The following NBAS variants were observed in gnomAD, a reference collection of about 807,000 sequenced individuals.
NBAS encodes NAG/BC035112 fusion.
In NBAS, 219 loss-of-function variants were observed where a neutral mutation model predicts 302.5. That is an observed-to-expected ratio of 0.72 (90% CI 0.65 to 0.81). The LOEUF (loss-of-function observed/expected upper bound fraction) is 0.81, where lower values mean the gene tolerates loss of function less well. Among genes scored for constraint, NBAS ranks in the 30% least tolerant of loss-of-function variants. The pLI, the probability that NBAS is intolerant of heterozygous loss-of-function variation, is 0.00. For synonymous variants in NBAS, 1,118 were observed against 1,021.6 expected, an observed-to-expected ratio of 1.09 and a Z score of -1.80; for missense variants, 2,932 against 2,841.6, an observed-to-expected ratio of 1.03 and a Z score of -0.72.
intron 21 of NBAS, among the ~76,000 whole-genome samples, chr2:15,455,994 A>G (rs2148548502): frequency 6.6e-6 from 1 of 152,300 alleles, no homozygotes; most frequent in East Asian, 1.9e-4. Flanking sequence ...TGTGGAAGCT[A>G]ACAAAGACTG....
At chr2:14,900,112 C>CTTTTT in the NBAS span, among the ~76,000 whole-genome samples, 26,656 of 139,980 alleles carry the variant, frequency 0.19, 2,793 homozygotes, top group Non-Finnish European at 0.24. Context: ...AAGTCACATG[C>CTTTTT]TTTTTTTTTT....
the NBAS span, among the ~76,000 whole-genome samples, chr2:14,896,626 C>T: frequency 6.6e-6 from 1 of 151,964 alleles, no homozygotes; most frequent in East Asian, 1.9e-4. Flanking sequence ...CATAGCCCTG[C>T]AAAACCAGGA....
chr2:14,861,414 G>A, the NBAS span, among the ~76,000 whole-genome samples: 1 of 152,198 alleles, frequency 6.6e-6, no homozygotes, highest in Admixed American at 6.5e-5. Flanking sequence ...TGTGAATTGA[G>A]AGACAAAAGA....
intron 41 of NBAS, among the ~76,000 whole-genome samples, chr2:15,287,970 C>T (rs1264118515): frequency 6.6e-6 from 1 of 150,856 alleles, no homozygotes; most frequent in African/African-American, 2.4e-5. Flanking sequence ...GAGCACCGTG[C>T]GTAGGCAGCC....
the NBAS span, among the ~76,000 whole-genome samples, chr2:14,816,389 G>C: frequency 2.4e-3 from 366 of 152,318 alleles, no homozygotes; most frequent in African/African-American, 8.0e-3. Context: ...GCCTGATGAT[G>C]TCAGGTGGAA....
At chr2:14,872,837 T>C in the NBAS span, among the ~76,000 whole-genome samples, 1 of 152,054 alleles carries the variant, frequency 6.6e-6, no homozygotes, top group Non-Finnish European at 1.5e-5. Context: ...ACCTTCGTGG[T>C]GAGCGTCTTA....
At position 15,292,753 on chromosome 2, in the gene NBAS, T is replaced by A; in HGVS notation, c.4811A>T (p.Glu1604Val). The change falls in exon 41 of 52, where the codon GAA (glutamate) becomes GTA (valine). Residue 1604 changes from glutamate to valine, a missense_variant. Coordinates refer to ENST00000281513, the MANE Select transcript of NBAS (RefSeq NM_015909.4). ...ATGCCTGGTGACCATCTTGATTAGT[T>A]CTTTGGGATCAGCCTATGAAAGACA... ...CHPLYRADPK[E>V]LIKMVTRHVT... is the part of the protein sequence containing the mutation. 1.2e-6 allele frequency: 2 copies of A among 1,614,204 alleles called. No individual in the cohort carries two copies. Among genetic ancestry groups the A allele is most frequent in the South Asian group, 2.2e-5 (2 of 91,084 alleles).
intron 32 of NBAS, 71 bp from the exon 33 acceptor site, chr2:15,356,487 T>C: frequency 6.8e-6 from 7 of 1,027,954 alleles, no homozygotes; most frequent in Non-Finnish European, 9.2e-6. Context: ...TTGTTAACAC[T>C]GTCTTTCAAA....
chr2:14,804,718 CAG>C, the NBAS span, among the ~76,000 whole-genome samples: 1 of 152,028 alleles, frequency 6.6e-6, no homozygotes, highest in Non-Finnish European at 1.5e-5. Flanking sequence ...CAGGCTCTAA[CAG>C]AGATTTTCTG....
intron 40 of NBAS, among the ~76,000 whole-genome samples, chr2:15,305,049 T>G (rs892424503): frequency 6.6e-6 from 1 of 152,140 alleles, no homozygotes; most frequent in Non-Finnish European, 1.5e-5. Flanking sequence ...TCTGGGGAAC[T>G]GTTGGGAAAG....
chr2:14,990,072 T>A, the NBAS span, among the ~76,000 whole-genome samples: 6 of 152,088 alleles, frequency 3.9e-5, no homozygotes, highest in East Asian at 1.2e-3. Context: ...TTATTCCTTA[T>A]CTTCTGATGA....
chr2:15,467,902 C>T (rs1003502873), intron 17 of NBAS, 98 bp from the exon 18 acceptor site: 7 of 1,069,048 alleles, frequency 6.5e-6, no homozygotes, highest in Non-Finnish European at 8.2e-6. Flanking sequence ...TATTGATTTC[C>T]ACAAAAACAG....
In NBAS at chr2:15,239,401, G is replaced by GTGTA. The variant is rs1553349678; in HGVS notation, c.5725-716_5725-715insTACA. Among the ~76,000 whole-genome samples the GTGTA allele has an allele frequency of 2.2e-3, 319 of 144,718 alleles. 2 individuals carry two copies. Among genetic ancestry groups the GTGTA allele is most frequent in the Non-Finnish European group, 3.6e-3 (241 of 66,210 alleles). 94.9% of individuals were successfully genotyped at this position (144,718 alleles called of 152,430 possible). A position where few individuals can be genotyped will look rare whatever the true frequency, so the allele number is the denominator to read the frequency against. On this transcript the variant is annotated intron_variant, in intron 44 of 51. Coordinates refer to ENST00000281513, the MANE Select transcript of NBAS (RefSeq NM_015909.4). ...TGTGTATGTGTGCGTGTGTGTGTGT[G>GTGTA]TATATATATATATATATATGTTGAG...
intron 35 of NBAS, among the ~76,000 whole-genome samples, chr2:15,342,058 A>T (rs1672878963): frequency 6.6e-6 from 1 of 152,196 alleles, no homozygotes; most frequent in African/African-American, 2.4e-5. Flanking sequence ...ATCAACAGTA[A>T]ACAAAACAAA....
At chr2:15,246,671 T>C (rs1668107768) in intron 44 of NBAS, among the ~76,000 whole-genome samples, 1 of 152,152 alleles carries the variant, frequency 6.6e-6, no homozygotes, top group Non-Finnish European at 1.5e-5. Flanking sequence ...TGAGACCAAA[T>C]GTTTGCCATT....
chr2:15,255,026 T>C (rs536952612), intron 44 of NBAS, among the ~76,000 whole-genome samples: 16 of 152,344 alleles, frequency 1.1e-4, no homozygotes, highest in African/African-American at 3.4e-4. Context: ...GCTATAAATA[T>C]GCATGTGCAA....
At position 15,520,218 on chromosome 2, in the gene NBAS, A is replaced by AAGGGGGGGG. The variant is rs1315066921; in HGVS notation, c.747-8869_747-8868insCCCCCCCCT. On this transcript the variant is annotated intron_variant, in intron 9 of 51. Transcript: ENST00000281513. ...AGAGTTAGAGACCAGCTTGAGCAACATGGCAAGACCCCATCGCTTCAAAAA... is the reference window on the plus strand; with the variant it reads ...AGAGTTAGAGACCAGCTTGAGCAACAAGGGGGGGGTGGCAAGACCCCATCGCTTCAAAAA... Among the ~76,000 whole-genome samples the AAGGGGGGGG allele has an allele frequency of 6.6e-5, 10 of 152,286 alleles. 1 individual carries two copies. In the South Asian group the frequency reaches 1.5e-3, roughly 22 times the overall value.
intron 16 of NBAS, among the ~76,000 whole-genome samples, chr2:15,472,079 T>C (rs984194293): frequency 6.6e-6 from 1 of 152,182 alleles, no homozygotes; most frequent in Non-Finnish European, 1.5e-5. Flanking sequence ...AGTTTTCATA[T>C]ATGTTACCTA....
At chr2:14,798,777 T>A in the NBAS span, among the ~76,000 whole-genome samples, 1 of 152,112 alleles carries the variant, frequency 6.6e-6, no homozygotes, top group Non-Finnish European at 1.5e-5. Context: ...TTAGGTTATC[T>A]ACTTCTTCCT....
Sources: allele counts gnomAD v4.1 joint callset (sites outside exome capture counted in the v4.1 genomes callset), GRCh38; gene constraint gnomAD v4.1.1; transcripts MANE v1.5; gene names NCBI Gene and HGNC (gene_info 2026-07-23, HGNC 2026-07-21).